Variants in SPAG16 observed in about 807,000 individuals in gnomAD.
SPAG16 encodes the protein sperm associated antigen 16.
A neutral mutation model predicts 80.4 loss-of-function variants in SPAG16; 86 were observed. The observed-to-expected ratio is 1.07, with a 90% confidence interval of 0.90 to 1.28. The LOEUF is 1.28. Ranked by LOEUF, SPAG16 falls within the 50% of genes most tolerant of loss-of-function variation. SPAG16 has a pLI of 0.00. For synonymous variants in SPAG16, 294 were observed against 265.9 expected (o/e 1.11, Z -1.03); for missense variants, 870 against 765.3 (o/e 1.14, Z -1.61).
At position 214,196,029 on chromosome 2, in the gene SPAG16, A is replaced by G. The variant is rs11903543; in HGVS notation, c.1720+46763A>G. Among the ~76,000 whole-genome samples, 1,165 of 152,072 alleles carry G rather than the reference A, an allele frequency of 7.7e-3. 18 individuals are homozygous for G. Among genetic ancestry groups the G allele is most frequent in the African/African-American group, 0.026 (1,078 of 41,506 alleles). ...TAGAAAAATGTTCAAAATAAGTGTA[A>G]AAAGTTACCAGAACCAGAATCGCCC... is the stretch of plus-strand genomic sequence containing the variant. On this transcript the variant is annotated intron_variant, in intron 15 of 15. Coordinates refer to ENST00000331683, the MANE Select transcript of SPAG16 (RefSeq NM_024532.5).
intron 11 of SPAG16, among the ~76,000 whole-genome samples, chr2:213,887,365 T>C (rs2076597851): frequency 6.6e-6 from 1 of 151,972 alleles, no homozygotes; most frequent in Admixed American, 6.6e-5. Flanking sequence ...TTTTTGACAA[T>C]GTTGACATTT....
chr2:213,703,772 T>C (rs749220345), intron 10 of SPAG16, among the ~76,000 whole-genome samples: 5 of 152,218 alleles, frequency 3.3e-5, no homozygotes, highest in Non-Finnish European at 7.3e-5. Flanking sequence ...CCATTTCTTT[T>C]CAACAGGGGA....
intron 1 of SPAG16, among the ~76,000 whole-genome samples, chr2:213,291,877 C>G (rs1320411791): frequency 6.6e-6 from 1 of 152,150 alleles, no homozygotes; most frequent in African/African-American, 2.4e-5. Context: ...TTTGACCTCA[C>G]TGGGTTGTGT....
intron 10 of SPAG16, among the ~76,000 whole-genome samples, chr2:213,738,772 C>T (rs748266563): frequency 3.3e-5 from 5 of 152,128 alleles, no homozygotes; most frequent in African/African-American, 1.2e-4. Flanking sequence ...TTTTTTAACA[C>T]ATGGTAGGAT....
At chr2:214,039,133 G>T (rs2048869263) in intron 13 of SPAG16, among the ~76,000 whole-genome samples, 1 of 152,118 alleles carries the variant, frequency 6.6e-6, no homozygotes, top group South Asian at 2.1e-4. Flanking sequence ...CTTCCACAAT[G>T]GTTGAACTAG....
intron 12 of SPAG16, among the ~76,000 whole-genome samples, chr2:213,997,079 G>A (rs2046557166): frequency 6.6e-6 from 1 of 152,134 alleles, no homozygotes; most frequent in Non-Finnish European, 1.5e-5. Flanking sequence ...GCCATTTTTA[G>A]TATTTTCATT....
At position 213,624,652 on chromosome 2, in the gene SPAG16, A is replaced by C. The variant is rs550176857; in HGVS notation, c.1070+134562A>C. On this transcript the variant is annotated intron_variant, in intron 10 of 15. Transcript: ENST00000331683. Reference sequence around the variant, plus strand: ...TTTGAACCTACATTTGTCTGAACCAAGTTTCCACACTTTTGACCACAATAC... The same window carrying C: ...TTTGAACCTACATTTGTCTGAACCACGTTTCCACACTTTTGACCACAATAC... 2.0e-5 allele frequency among the ~76,000 whole-genome samples: 3 copies of C among 152,322 alleles called. No individual in the cohort carries two copies. The South Asian group carries it at 6.2e-4, about 32-fold the overall frequency.
intron 9 of SPAG16, among the ~76,000 whole-genome samples, chr2:213,481,393 T>C (rs1185800006): frequency 6.6e-6 from 1 of 152,136 alleles, no homozygotes; most frequent in Non-Finnish European, 1.5e-5. Flanking sequence ...TCATTGACTT[T>C]TGTCATCTTT....
intron 7 of SPAG16, among the ~76,000 whole-genome samples, chr2:213,353,921 AG>A (rs1449406743): frequency 1.3e-5 from 2 of 152,152 alleles, no homozygotes; most frequent in African/African-American, 4.8e-5. Context: ...TTTAAGTTCT[AG>A]GGTACATGTG....
intron 15 of SPAG16, among the ~76,000 whole-genome samples, chr2:214,166,390 A>G (rs751378568): frequency 6.6e-6 from 1 of 152,094 alleles, no homozygotes; most frequent in Non-Finnish European, 1.5e-5. Context: ...AGAGAGGGAG[A>G]TTGGAGCATC....
At chr2:213,441,017 A>G (rs1434480098) in intron 9 of SPAG16, among the ~76,000 whole-genome samples, 1 of 152,200 alleles carries the variant, frequency 6.6e-6, no homozygotes, top group Admixed American at 6.5e-5. Context: ...ATTTTTATAG[A>G]ATTTTCATGT....
intron 10 of SPAG16, among the ~76,000 whole-genome samples, chr2:213,510,780 G>T (rs1278889492): frequency 1.3e-5 from 2 of 152,116 alleles, no homozygotes; most frequent in East Asian, 3.8e-4. Flanking sequence ...AGAAACATGT[G>T]TCATATAGTA....
At chr2:213,709,439 A>T (rs906677027) in intron 10 of SPAG16, among the ~76,000 whole-genome samples, 1 of 152,206 alleles carries the variant, frequency 6.6e-6, no homozygotes, top group Non-Finnish European at 1.5e-5. Flanking sequence ...ATTAGGAAAC[A>T]CTTATGGAAT....
intron 6 of SPAG16, among the ~76,000 whole-genome samples, chr2:213,344,126 AGGTTTCTGAATT>A (rs533240840): frequency 1.5e-4 from 23 of 152,110 alleles, no homozygotes; most frequent in South Asian, 6.2e-4. Flanking sequence ...ATTCTGCTTT[AGGTTTCTGAATT>A]TGAATGACCA....
At chr2:214,247,731 G>A (rs1689948119) in intron 15 of SPAG16, among the ~76,000 whole-genome samples, 1 of 152,004 alleles carries the variant, frequency 6.6e-6, no homozygotes, top group Non-Finnish European at 1.5e-5. Context: ...AACAGCTGAT[G>A]TGACAAAAAA....
chr2:213,509,530 C>G (rs2075131944), intron 10 of SPAG16, among the ~76,000 whole-genome samples: 1 of 152,170 alleles, frequency 6.6e-6, no homozygotes, highest in African/African-American at 2.4e-5. Context: ...ATTTACTCAT[C>G]TATTGATAGA....
intron 11 of SPAG16, among the ~76,000 whole-genome samples, chr2:213,916,729 C>T (rs2077989743): frequency 6.6e-6 from 1 of 152,102 alleles, no homozygotes. Flanking sequence ...ACAGCCAAAC[C>T]ATATCATATA....
At chr2:214,073,388 C>G (rs1417285212) in intron 13 of SPAG16, among the ~76,000 whole-genome samples, 2 of 152,000 alleles carry the variant, frequency 1.3e-5, no homozygotes, top group African/African-American at 4.8e-5. Flanking sequence ...CAGGCGCCCA[C>G]CACCATGCCA....
At chr2:214,376,004 A>G (rs1240556611) in intron 15 of SPAG16, among the ~76,000 whole-genome samples, 1 of 152,072 alleles carries the variant, frequency 6.6e-6, no homozygotes, top group African/African-American at 2.4e-5. Flanking sequence ...CTTAAGATCT[A>G]TATGCTTCAG....
Sources: allele counts gnomAD v4.1 joint callset (sites outside exome capture counted in the v4.1 genomes callset), GRCh38; gene constraint gnomAD v4.1.1; transcripts MANE v1.5; gene names NCBI Gene and HGNC (gene_info 2026-07-23, HGNC 2026-07-21).